Variants in LRIG1 observed in about 807,000 individuals in gnomAD.
LRIG1 encodes leucine rich repeats and immunoglobulin like domains 1, also known as leucine-rich repeats and immunoglobulin-like domains protein 1.
LRIG1 carries 48 observed loss-of-function variants against 99.2 expected under a neutral mutation model. The ratio of observed to expected loss-of-function variants is 0.48; its 90% CI spans 0.38 to 0.62. The LOEUF (loss-of-function observed/expected upper bound fraction) is 0.62, where lower values mean the gene tolerates loss of function less well. Among genes scored for constraint, LRIG1 ranks in the 20% least tolerant of loss-of-function variants. The pLI, the probability that LRIG1 is intolerant of heterozygous loss-of-function variation, is 0.00. For missense variants in LRIG1, 1,646 were observed against 1,434.4 expected (o/e 1.15, Z -2.38); for synonymous variants, 772 against 596.1 (o/e 1.29, Z -4.30).
chr3:66,492,364 G>A (rs1701120341), intron 1 of LRIG1, among the ~76,000 whole-genome samples: 1 of 152,212 alleles, frequency 6.6e-6, no homozygotes, highest in Non-Finnish European at 1.5e-5. Context: ...CAGGGAGGGG[G>A]AAGCTGTTAA....
chr3:66,387,932 C>T (rs1701455512), intron 12 of LRIG1: 1 of 124,824 alleles, frequency 8.0e-6, no homozygotes, highest in Non-Finnish European at 1.6e-5. Context: ...CCTGTCTCTA[C>T]TAAAAATACA....
intron 3 of LRIG1, among the ~76,000 whole-genome samples, chr3:66,427,730 T>C (rs1038259167): frequency 1.4e-4 from 21 of 152,224 alleles, no homozygotes; most frequent in African/African-American, 5.1e-4. Flanking sequence ...TATTGAAATA[T>C]AAAGGATTTT....
At chr3:66,444,483 C>T (rs1316437576) in intron 3 of LRIG1, among the ~76,000 whole-genome samples, 1 of 151,284 alleles carries the variant, frequency 6.6e-6, no homozygotes, top group African/African-American at 2.4e-5. Flanking sequence ...TTTACTGTCC[C>T]CCAAGGCCTA....
At chr3:66,431,423 T>C (rs1703167917) in intron 3 of LRIG1, among the ~76,000 whole-genome samples, 1 of 152,150 alleles carries the variant, frequency 6.6e-6, no homozygotes, top group Admixed American at 6.5e-5. Flanking sequence ...CCAAGAAGCG[T>C]CCGCACTACC....
intron 3 of LRIG1, among the ~76,000 whole-genome samples, chr3:66,419,083 A>C (rs1702715946): frequency 6.6e-6 from 1 of 152,244 alleles, no homozygotes; most frequent in Non-Finnish European, 1.5e-5. Flanking sequence ...GCTGAGTCTT[A>C]TCCGGGAACT....
intron 3 of LRIG1, among the ~76,000 whole-genome samples, chr3:66,428,628 C>T (rs1016858511): frequency 9.9e-5 from 15 of 152,218 alleles, no homozygotes; most frequent in Non-Finnish European, 1.9e-4. Context: ...CAAGTGAATG[C>T]GGAAGAGCTT....
intron 1 of LRIG1, among the ~76,000 whole-genome samples, chr3:66,497,495 C>T (rs752945839): frequency 2.0e-5 from 3 of 152,018 alleles, no homozygotes; most frequent in East Asian, 1.9e-4. Flanking sequence ...ATCTCACCTA[C>T]GTAATGGGCT....
At chr3:66,384,385 C>T in intron 13 of LRIG1, 113 bp from the exon 14 acceptor site, 2 of 1,161,148 alleles carry the variant, frequency 1.7e-6, no homozygotes, top group Non-Finnish European at 1.3e-6. Context: ...CACTTCTTTT[C>T]TCCCAATGTC....
intron 1 of LRIG1, among the ~76,000 whole-genome samples, chr3:66,490,513 C>T (rs1250033313): frequency 6.6e-6 from 1 of 152,106 alleles, no homozygotes; most frequent in Non-Finnish European, 1.5e-5. Flanking sequence ...AAAACTAAGA[C>T]GGAGGCATGA....
chr3:66,381,480 C>T lies in LRIG1; in HGVS notation c.2769G>A (p.Met923Ile), dbSNP rs573436608. The T allele has an allele frequency of 2.5e-6, 4 of 1,612,574 alleles. No homozygotes were observed. The highest frequency in any genetic ancestry group is 3.4e-6 in the Non-Finnish European group (4 of 1,178,724). The change falls in exon 17 of 19, where the codon ATG (methionine) becomes ATA (isoleucine). Residue 923 changes from methionine to isoleucine, a missense_variant and splice_region_variant. By Grantham distance (10) the Met-to-Ile change is conservative. Coordinates refer to ENST00000273261, the MANE Select transcript of LRIG1 (RefSeq NM_015541.3). ...KAEGTPGPHK[M>I]EHGGRVVCSD... The stretch of plus-strand genomic sequence containing the variant: ...CTTCCAATGGGAAGCATCTCATACC[C>T]ATCTTATGTGGCCCAGGTGTCCCTT...
intron 12 of LRIG1, among the ~76,000 whole-genome samples, chr3:66,392,279 C>T (rs1701648408): frequency 6.6e-6 from 1 of 152,188 alleles, no homozygotes; most frequent in Non-Finnish European, 1.5e-5. Context: ...TCTGTGTGAA[C>T]ATATACATTC....
intron 17 of LRIG1, 60 bp downstream of exon 17, chr3:66,381,419 T>C: frequency 1.3e-6 from 2 of 1,548,714 alleles, no homozygotes; most frequent in Non-Finnish European, 1.8e-6. Flanking sequence ...ATGTAGTGAC[T>C]AGGTCAGCCC....
intron 2 of LRIG1, among the ~76,000 whole-genome samples, chr3:66,454,824 G>A (rs1462414128): frequency 6.6e-6 from 1 of 152,158 alleles, no homozygotes; most frequent in Non-Finnish European, 1.5e-5. Context: ...TGACTTAAGG[G>A]AAGTTTTACA....
chr3:66,397,825 T>C (rs913129800), intron 11 of LRIG1, among the ~76,000 whole-genome samples: 2 of 152,228 alleles, frequency 1.3e-5, no homozygotes, highest in South Asian at 4.1e-4. Context: ...ATATTTCACA[T>C]TGCCTAGAAT....
chr3:66,429,088 G>A (rs185763664), intron 3 of LRIG1, among the ~76,000 whole-genome samples: 84 of 152,284 alleles, frequency 5.5e-4, no homozygotes, highest in Admixed American at 1.8e-3. Flanking sequence ...CTCCCAACCC[G>A]TTCACTTCCT....
rs979720509 is a variant in LRIG1, at chr3:66,500,964, G to A, written c.-557C>T. On this transcript the variant is annotated 5_prime_UTR_variant, in exon 1 of 19. Transcript: ENST00000273261. Reference sequence around the variant, plus strand: ...GCGCGCGCAGCCTCGGGTTCCGCACGGCTCCTCCGCGCAGCAAGAGTCCCG... The same window carrying A: ...GCGCGCGCAGCCTCGGGTTCCGCACAGCTCCTCCGCGCAGCAAGAGTCCCG... The A allele has an allele frequency of 3.3e-5, 5 of 151,932 alleles. No individual in the cohort carries two copies. Among genetic ancestry groups the A allele is most frequent in the African/African-American group, 9.7e-5 (4 of 41,360 alleles). The allele number at this position is 151,932 out of a possible 1,614,324, so 9.4% of individuals were successfully genotyped here.
chr3:66,417,297 A>C lies in LRIG1; in HGVS notation c.366-31T>G, dbSNP rs995248965. On this transcript the variant is annotated intron_variant, in intron 3 of 18. Coordinates refer to ENST00000273261, the MANE Select transcript of LRIG1 (RefSeq NM_015541.3). ...ACACAACAAGGGAGGTGACTTGAGC[A>C]TCTCTTTTTGCAAAGTAACTACAAG... The C allele has an allele frequency of 2.2e-5, 35 of 1,598,856 alleles. No individual in the cohort carries two copies. The Admixed American group carries it at 4.2e-4, about 19-fold the overall frequency.
chr3:66,467,914 A>C (rs1700512118), intron 1 of LRIG1, among the ~76,000 whole-genome samples: 1 of 152,364 alleles, frequency 6.6e-6, no homozygotes, highest in South Asian at 2.1e-4. Context: ...AGAACTATGT[A>C]AAAGGCTGTG....
chr3:66,489,017 A>C (rs1049886247), intron 1 of LRIG1, among the ~76,000 whole-genome samples: 3 of 152,186 alleles, frequency 2.0e-5, no homozygotes, highest in Non-Finnish European at 2.9e-5. Context: ...TCAAAGATCG[A>C]AAGTGGATCT....
Sources: gnomAD v4.1 joint callset for allele counts (sites outside exome capture counted in the v4.1 genomes callset) on GRCh38, gnomAD v4.1.1 for gene constraint, MANE v1.5 for transcripts, NCBI Gene and HGNC (gene_info 2026-07-23, HGNC 2026-07-21) for gene names.